HHAT: variants seen among roughly 807,000 people sequenced by gnomAD.
The protein encoded by HHAT is protein-cysteine N-palmitoyltransferase HHAT.
Under a neutral mutation model 70.8 loss-of-function variants are expected in HHAT, and 47 were observed. The ratio of observed to expected loss-of-function variants is 0.66; its 90% confidence interval spans 0.53 to 0.85. The LOEUF is 0.85. HHAT is among the 40% of genes least tolerant of loss of function. The probability of loss-of-function intolerance (pLI) is 0.00; values close to 1 mark genes in which losing one functional copy is unlikely to be tolerated. For synonymous variants in HHAT, 228 were observed against 247.6 expected (o/e 0.92, Z 0.74); for missense variants, 609 against 604.8 (o/e 1.01, Z -0.07).
intron 8 of HHAT, among the ~76,000 whole-genome samples, chr1:210,484,722 T>A (rs1381869452): frequency 6.6e-6 from 1 of 152,126 alleles, no homozygotes; most frequent in Admixed American, 6.5e-5. Context: ...CCCAATTTGT[T>A]TCTATATTTA....
At chr1:210,622,009 A>T (rs1668939472) in intron 10 of HHAT, among the ~76,000 whole-genome samples, 1 of 152,108 alleles carries the variant, frequency 6.6e-6, no homozygotes, top group South Asian at 2.1e-4. Flanking sequence ...GGCAGGAGAG[A>T]ACAGGAGGAG....
At chr1:210,549,491 G>A (rs2095511041) in intron 9 of HHAT, among the ~76,000 whole-genome samples, 1 of 148,542 alleles carries the variant, frequency 6.7e-6, no homozygotes, top group African/African-American at 2.5e-5. Context: ...GTGCAAAGGG[G>A]TGAGAATCCA....
intron 11 of HHAT, among the ~76,000 whole-genome samples, chr1:210,672,873 C>T (rs1226469873): frequency 6.6e-6 from 1 of 152,168 alleles, no homozygotes; most frequent in African/African-American, 2.4e-5. Flanking sequence ...TGTGTGCTTA[C>T]AAATGGCACT....
chr1:210,549,657 G>A lies in HHAT; in HGVS notation c.1043+36469G>A, dbSNP rs567305874. On this transcript the variant is annotated intron_variant, in intron 9 of 11. Coordinates refer to ENST00000261458, the MANE Select transcript of HHAT (RefSeq NM_018194.6). ...TCATTTTTTCCTCTTTGTAAAGTGA[G>A]CAGAATAATACATCTCTGTTTACCA... is the stretch of plus-strand genomic sequence containing the variant. 1.5e-4 allele frequency among the ~76,000 whole-genome samples: 22 copies of A among 148,606 alleles called. 1 individual carries two copies. The highest frequency in any genetic ancestry group is 2.4e-4 in the Non-Finnish European group (16 of 67,876).
At chr1:210,613,810 G>A (rs1454206305) in intron 10 of HHAT, among the ~76,000 whole-genome samples, 1 of 152,042 alleles carries the variant, frequency 6.6e-6, no homozygotes, top group Non-Finnish European at 1.5e-5. Context: ...TTGAGCCCAG[G>A]AGTTTGAGAC....
At chr1:210,356,889 A>C (rs929660936) in intron 2 of HHAT, among the ~76,000 whole-genome samples, 1 of 152,204 alleles carries the variant, frequency 6.6e-6, no homozygotes, top group Non-Finnish European at 1.5e-5. Flanking sequence ...TCTTGGAACC[A>C]GGTGAGCTGA....
At chr1:210,527,711 A>G (rs989221075) in intron 9 of HHAT, among the ~76,000 whole-genome samples, 1 of 152,244 alleles carries the variant, frequency 6.6e-6, no homozygotes, top group Non-Finnish European at 1.5e-5. Context: ...TCCTTTGAGC[A>G]CGTGACAGAG....
chr1:210,636,596 G>A (rs566762154), intron 11 of HHAT, among the ~76,000 whole-genome samples: 24 of 152,136 alleles, frequency 1.6e-4, no homozygotes, highest in Admixed American at 4.6e-4. Context: ...CTGTCTTTCC[G>A]GAATGTTGCT....
rs572106376 is a variant in HHAT at position 210,435,003 on chromosome 1, C to T, written c.856+16678C>T. On this transcript the variant is annotated intron_variant, in intron 7 of 11. Coordinates refer to ENST00000261458, the MANE Select transcript of HHAT (RefSeq NM_018194.6). ...TAGGAACATTTGAATTATTTTCTTG[C>T]TGTTTTGAAACATACAATCAATTAA... 1.1e-4 allele frequency among the ~76,000 whole-genome samples: 16 copies of T among 151,856 alleles called. No individual in the cohort carries two copies. In the South Asian group the frequency reaches 2.1e-3, roughly 20 times the overall value.
intron 9 of HHAT, among the ~76,000 whole-genome samples, chr1:210,531,200 C>T (rs1322368972): frequency 3.3e-5 from 5 of 152,144 alleles, no homozygotes; most frequent in African/African-American, 1.2e-4. Context: ...AGTAAAAATA[C>T]AGTATTATAA....
intron 9 of HHAT, among the ~76,000 whole-genome samples, chr1:210,557,322 T>C (rs1289109377): frequency 6.6e-6 from 1 of 152,218 alleles, no homozygotes; most frequent in African/African-American, 2.4e-5. Flanking sequence ...GGAAGGCAGA[T>C]GAGTCCAAGA....
intron 7 of HHAT, among the ~76,000 whole-genome samples, chr1:210,450,077 A>G (rs2093718648): frequency 6.6e-6 from 1 of 152,166 alleles, no homozygotes; most frequent in Non-Finnish European, 1.5e-5. Flanking sequence ...TTGGATCACA[A>G]GGTCAGGAGT....
chr1:210,360,518 C>T (rs1180781753), intron 2 of HHAT, among the ~76,000 whole-genome samples: 4 of 152,078 alleles, frequency 2.6e-5, no homozygotes, highest in Non-Finnish European at 5.9e-5. Flanking sequence ...CCATGTTGGC[C>T]AGGCTGGTCT....
At position 210,419,069 on chromosome 1, in the gene HHAT, G is replaced by T. The variant is rs748046005; in HGVS notation, c.856+744G>T. ...GAGTTTCAGGATCACACAGCCATAG[G>T]TTTGAGTTTCAGCTTCACCAATGAC... On this transcript the variant is annotated intron_variant, in intron 7 of 11. Coordinates refer to ENST00000261458, the MANE Select transcript of HHAT (RefSeq NM_018194.6). Among the ~76,000 whole-genome samples, 19 of 152,194 alleles carry T rather than the reference G, an allele frequency of 1.2e-4. 1 individual carries two copies. Among genetic ancestry groups the T allele is most frequent in the South Asian group, 4.2e-4 (2 of 4,812 alleles).
intron 7 of HHAT, among the ~76,000 whole-genome samples, chr1:210,454,529 G>A (rs2093822757): frequency 6.6e-6 from 1 of 152,176 alleles, no homozygotes; most frequent in Non-Finnish European, 1.5e-5. Flanking sequence ...ACTCCAGTCT[G>A]GGTGACAGAA....
At chr1:210,559,759 A>C (rs1357743845) in intron 9 of HHAT, among the ~76,000 whole-genome samples, 1 of 144,664 alleles carries the variant, frequency 6.9e-6, no homozygotes, top group African/African-American at 2.4e-5. Context: ...ACTTACACAG[A>C]TGTGGTGGTT....
rs547292484 is a variant in HHAT, at chr1:210,376,428, G to A, written c.160-11040G>A. 9.9e-5 allele frequency among the ~76,000 whole-genome samples: 15 copies of A among 152,276 alleles called. No individual in the cohort carries two copies. In the South Asian group the frequency reaches 2.7e-3, roughly 27 times the overall value. On this transcript the variant is annotated intron_variant, in intron 3 of 11. Coordinates refer to ENST00000261458, the MANE Select transcript of HHAT (RefSeq NM_018194.6). ...TTAGTGGAGGGATAGGGATAAATGT[G>A]TGTACTATATCTTGTCTGAAAGCAG...
chr1:210,471,952 C>G (rs1027785608), intron 8 of HHAT, among the ~76,000 whole-genome samples: 4 of 152,072 alleles, frequency 2.6e-5, no homozygotes, highest in African/African-American at 9.7e-5. Context: ...AATTTTGTAT[C>G]CTATGAAGTA....
intron 3 of HHAT, among the ~76,000 whole-genome samples, chr1:210,374,936 C>G (rs2090062838): frequency 6.6e-6 from 1 of 151,946 alleles, no homozygotes; most frequent in Non-Finnish European, 1.5e-5. Flanking sequence ...TACCAGTCCT[C>G]CCTGCCACCC....
Sources: gnomAD v4.1 joint callset for allele counts (sites outside exome capture counted in the v4.1 genomes callset) on GRCh38, gnomAD v4.1.1 for gene constraint, MANE v1.5 for transcripts, NCBI Gene and HGNC (gene_info 2026-07-23, HGNC 2026-07-21) for gene names.